Variants in ADCY2 observed in about 807,000 individuals in gnomAD.
ADCY2 encodes the protein adenylate cyclase 2.
A neutral mutation model predicts 125.2 loss-of-function variants in ADCY2; 31 were observed. The observed-to-expected ratio is 0.25, with a 90% CI of 0.19 to 0.33. The LOEUF (loss-of-function observed/expected upper bound fraction) is 0.33. Among genes scored for constraint, ADCY2 ranks in the 10% least tolerant of loss-of-function variants. The pLI, the probability that ADCY2 is intolerant of heterozygous loss-of-function variation, is 1.00. For missense variants in ADCY2, 904 were observed against 1,418.2 expected, an observed-to-expected ratio of 0.64 and a Z score of 5.82; for synonymous variants, 512 against 548.4, an observed-to-expected ratio of 0.93 and a Z score of 0.93.
chr5:7,526,172 C>T (rs995053783), intron 3 of ADCY2, among the ~76,000 whole-genome samples: 1 of 152,220 alleles, frequency 6.6e-6, no homozygotes, highest in Admixed American at 6.5e-5. Flanking sequence ...ATTCTGGATG[C>T]ACCTCACACA....
chr5:7,431,541 C>G lies in ADCY2; in HGVS notation c.408+16771C>G, dbSNP rs568411332. The stretch of plus-strand genomic sequence containing the variant: ...AGGTGGGAACTATTAAAAAAAAAAA[C>G]CCTGATAGATAAAATTTTATGAAAG... On this transcript the variant is annotated intron_variant, in intron 2 of 24. Coordinates refer to ENST00000338316, the MANE Select transcript of ADCY2 (RefSeq NM_020546.3). 4.5e-3 allele frequency among the ~76,000 whole-genome samples: 671 copies of G among 149,380 alleles called. 10 individuals are homozygous for G. The highest frequency in any genetic ancestry group is 0.016 in the African/African-American group (653 of 40,306).
chr5:7,524,469 G>A (rs1026393694), intron 3 of ADCY2, among the ~76,000 whole-genome samples: 2 of 151,766 alleles, frequency 1.3e-5, no homozygotes, highest in African/African-American at 4.8e-5. Flanking sequence ...AGTTCCTCCA[G>A]CTTTCCCTAC....
At chr5:7,699,096 T>TTTTC (rs1740992727) in intron 7 of ADCY2, among the ~76,000 whole-genome samples, 1 of 113,896 alleles carries the variant, frequency 8.8e-6, no homozygotes, top group African/African-American at 3.3e-5. Flanking sequence ...TTTTTTTTTT[T>TTTTC]TTTTTTTTTT....
In ADCY2 at chr5:7,707,745, T is replaced by C; in HGVS notation, c.1308T>C (p.Asn436=). ...CTTCTGTCACCCTGGAGCACTTGAA[T>C]GGCGCTTATAAAGTGGAGGAGGGAG... is the stretch of plus-strand genomic sequence containing the variant. ...HISSVTLEHL[N]GAYKVEEGDG... Residue 436 remains asparagine, a synonymous_variant, in exon 9 of 25, where the codon AAT becomes AAC. Transcript: ENST00000338316. The C allele has an allele frequency of 6.2e-7, 1 of 1,614,166 alleles. No homozygotes were observed. Among genetic ancestry groups the C allele is most frequent in the Non-Finnish European group, 8.5e-7 (1 of 1,180,016 alleles).
intron 2 of ADCY2, among the ~76,000 whole-genome samples, chr5:7,427,244 C>T (rs1051960030): frequency 2.3e-4 from 35 of 152,236 alleles, no homozygotes; most frequent in African/African-American, 7.7e-4. Context: ...ACAAGGACAC[C>T]GGTTATATTG....
chr5:7,626,146 C>A (rs369365875), intron 3 of ADCY2, 21 bp from the exon 4 acceptor site: 228 of 1,605,476 alleles, frequency 1.4e-4, no homozygotes, highest in Admixed American at 6.7e-4. Context: ...CCCTATTGAG[C>A]AGCTCTTTCT....
chr5:7,589,654 C>T (rs1164052074), intron 3 of ADCY2, among the ~76,000 whole-genome samples: 1 of 152,028 alleles, frequency 6.6e-6, no homozygotes, highest in Non-Finnish European at 1.5e-5. Flanking sequence ...TCTCTCTGGG[C>T]CCTAAATTCT....
At chr5:7,574,669 A>G (rs1464710611) in intron 3 of ADCY2, among the ~76,000 whole-genome samples, 2 of 152,208 alleles carry the variant, frequency 1.3e-5, no homozygotes, top group Admixed American at 6.5e-5. Context: ...TCTCTCATAT[A>G]CTACCCCTGA....
At chr5:7,432,773 T>C (rs905637755) in intron 2 of ADCY2, among the ~76,000 whole-genome samples, 1 of 152,208 alleles carries the variant, frequency 6.6e-6, no homozygotes, top group African/African-American at 2.4e-5. Context: ...GGCCAAGACA[T>C]AGAGGGATGG....
chr5:7,713,010 C>T, intron 11 of ADCY2, 111 bp downstream of exon 11: 1 of 769,184 alleles, frequency 1.3e-6, no homozygotes, highest in South Asian at 1.8e-5. Context: ...AAGAGCAGCT[C>T]CCCCTGAAAA....
chr5:7,786,274 CT>C (rs1744080024), intron 19 of ADCY2, among the ~76,000 whole-genome samples: 1 of 152,166 alleles, frequency 6.6e-6, no homozygotes, highest in Non-Finnish European at 1.5e-5. Context: ...TGGGTAAGAA[CT>C]TTGAAGTCTG....
chr5:7,816,302 G>C (rs373617995), intron 22 of ADCY2, among the ~76,000 whole-genome samples: 1 of 152,222 alleles, frequency 6.6e-6, no homozygotes. Flanking sequence ...AGTAGCCCTT[G>C]TCCTCCGTGA....
chr5:7,576,018 T>C lies in ADCY2; in HGVS notation c.571-50149T>C, dbSNP rs1579590350. ...TTTCTAAAGCAACAAGGAAGGATTA[T>C]TTAGACTGAAATATTTTGAAATTGG... On this transcript the variant is annotated intron_variant, in intron 3 of 24. Transcript: ENST00000338316. Among the ~76,000 whole-genome samples, 3 of 152,318 alleles carry C rather than the reference T, an allele frequency of 2.0e-5. No homozygotes were observed. In the East Asian group the frequency reaches 5.8e-4, roughly 29 times the overall value.
intron 3 of ADCY2, among the ~76,000 whole-genome samples, chr5:7,523,471 T>G (rs376956233): frequency 6.6e-6 from 1 of 152,190 alleles, no homozygotes; most frequent in African/African-American, 2.4e-5. Context: ...CTCCATAGTA[T>G]TTTATAAAGG....
At chr5:7,776,377 G>A (rs1743727368) in intron 18 of ADCY2, among the ~76,000 whole-genome samples, 3 of 151,954 alleles carry the variant, frequency 2.0e-5, no homozygotes, top group Non-Finnish European at 1.5e-5. Flanking sequence ...CATCCGTTTG[G>A]TGACCTGTCT....
intron 4 of ADCY2, among the ~76,000 whole-genome samples, chr5:7,628,787 A>C (rs1738214101): frequency 6.6e-6 from 1 of 151,888 alleles, no homozygotes; most frequent in African/African-American, 2.4e-5. Context: ...TCAGACCAGC[A>C]TGTAATTAAA....
intron 14 of ADCY2, among the ~76,000 whole-genome samples, chr5:7,739,524 G>A (rs755598862): frequency 2.1e-4 from 32 of 151,640 alleles, no homozygotes; most frequent in Non-Finnish European, 1.5e-4. Flanking sequence ...AAAAAGATGA[G>A]CAATTTAGAA....
chr5:7,546,765 CCTCT>C (rs1446123607), intron 3 of ADCY2, among the ~76,000 whole-genome samples: 1 of 152,214 alleles, frequency 6.6e-6, no homozygotes, highest in Non-Finnish European at 1.5e-5. Flanking sequence ...CTCCAGCTCG[CCTCT>C]CTTTCAGCTG....
At chr5:7,427,345 G>C (rs1487609913) in intron 2 of ADCY2, among the ~76,000 whole-genome samples, 1 of 152,168 alleles carries the variant, frequency 6.6e-6, no homozygotes, top group African/African-American at 2.4e-5. Flanking sequence ...AGGTTTAATT[G>C]ACTTACAGTT....
Sources: allele counts gnomAD v4.1 joint callset (sites outside exome capture counted in the v4.1 genomes callset), GRCh38; gene constraint gnomAD v4.1.1; transcripts MANE v1.5; gene names NCBI Gene and HGNC (gene_info 2026-07-23, HGNC 2026-07-21).